Variants in BDNF observed in about 807,000 individuals in gnomAD.
BDNF encodes the protein neurotrophic factor BDNF precursor form.
Under a neutral mutation model 19.5 loss-of-function variants are expected in BDNF, and 1 was observed. The ratio of observed to expected loss-of-function variants is 0.05; its 90% CI spans 0.02 to 0.24. The LOEUF (loss-of-function observed/expected upper bound fraction) is 0.24. BDNF is among the 10% of genes least tolerant of loss of function. The pLI, the probability that BDNF is intolerant of heterozygous loss-of-function variation, is 1.00. For synonymous variants in BDNF, 100 were observed against 121.6 expected (o/e 0.82, Z 1.17); for missense variants, 195 against 317.6 (o/e 0.61, Z 2.93).
intron 1 of BDNF, among the ~76,000 whole-genome samples, chr11:27,666,660 T>G (rs1180066288): frequency 2.0e-5 from 3 of 151,078 alleles, no homozygotes; most frequent in Non-Finnish European, 4.4e-5. Flanking sequence ...TTCAATCAAG[T>G]GGAAGAAAGG....
intron 1 of BDNF, among the ~76,000 whole-genome samples, chr11:27,689,775 T>C (rs1857996499): frequency 1.3e-5 from 2 of 152,222 alleles, no homozygotes; most frequent in Non-Finnish European, 2.9e-5. Flanking sequence ...TAGGTAAATA[T>C]GTGTCATGGT....
chr11:27,700,400 G>C lies in BDNF; in HGVS notation c.-258C>G, dbSNP rs1859769147. ...ACGGGGTGCGCGGGACAGCGAGCGG[G>C]CGGGTGCGCCCGGGCGCGGCGGCGG... On this transcript the variant is annotated 5_prime_UTR_variant, in exon 1 of 2. Transcript: ENST00000356660. 1 of 985,940 alleles carries C rather than the reference G, an allele frequency of 1.0e-6. No individual in the cohort carries two copies. Among genetic ancestry groups the C allele is most frequent in the East Asian group, 1.1e-4 (1 of 8,794 alleles). The allele number at this position is 985,940 out of a possible 1,614,324, so 61.1% of individuals were successfully genotyped here.
At chr11:27,720,526 C>G (rs1318484012) in intron 1 of BDNF, 3 of 985,752 alleles carry the variant, frequency 3.0e-6, no homozygotes, top group Non-Finnish European at 3.6e-6. Context: ...TTTCCAAACG[C>G]TCCGCTCCAA....
chr11:27,717,201 T>G (rs1290046699), intron 1 of BDNF, among the ~76,000 whole-genome samples: 2 of 152,224 alleles, frequency 1.3e-5, no homozygotes, highest in Non-Finnish European at 2.9e-5. Context: ...AAGCCTTCTT[T>G]CCAATGTACA....
intron 1 of BDNF, among the ~76,000 whole-genome samples, chr11:27,706,098 G>A (rs1458131037): frequency 6.6e-6 from 1 of 152,214 alleles, no homozygotes. Flanking sequence ...TGCTCCCAAA[G>A]CTGGAGTGGC....
upstream of BDNF, chr11:27,700,897 C>T (rs1859853808): frequency 1.8e-5 from 24 of 1,310,052 alleles, no homozygotes; most frequent in Non-Finnish European, 2.4e-5. Flanking sequence ...TAGCTTTCAA[C>T]TCTCCCCTTC....
chr11:27,699,649 G>A, intron 1 of BDNF: 1 of 1,432,264 alleles, frequency 7.0e-7, no homozygotes, highest in East Asian at 2.5e-5. Flanking sequence ...CTCAATTCCT[G>A]GGGAGCAGGT....
chr11:27,657,539 T>C lies in BDNF; in HGVS notation c.*282A>G, dbSNP rs1293379263. 9.4e-6 allele frequency: 11 copies of C among 1,168,620 alleles called. No homozygotes were observed. The highest frequency in any genetic ancestry group is 1.2e-5 in the Non-Finnish European group (11 of 944,794). The allele number at this position is 1,168,620 out of a possible 1,614,324, so 72.4% of individuals were successfully genotyped here. On this transcript the variant is annotated 3_prime_UTR_variant, in exon 2 of 2. Coordinates refer to ENST00000356660, the MANE Select transcript of BDNF (RefSeq NM_001709.5). This position sits in a 1 kb window ranked among gnomAD's most constrained non-coding sequence, Gnocchi z 5.0. ...AAGCAGCATGCAATTTATTATTTTT[T>C]TTAACTTTTTATGTTTTCAGTTCTT... is the stretch of plus-strand genomic sequence containing the variant.
chr11:27,674,802 C>T, intron 1 of BDNF: 3 of 954,850 alleles, frequency 3.1e-6, no homozygotes, highest in Non-Finnish European at 3.7e-6. Flanking sequence ...GACAGGGACT[C>T]CATTTTTACA....
chr11:27,710,029 C>T (rs2134103243), intron 1 of BDNF, among the ~76,000 whole-genome samples: 1 of 152,344 alleles, frequency 6.6e-6, no homozygotes, highest in East Asian at 1.9e-4. Flanking sequence ...TTAGTTATCT[C>T]TGACAAAGCT....
intron 1 of BDNF, chr11:27,674,420 C>T: frequency 2.8e-6 from 4 of 1,452,882 alleles, no homozygotes; most frequent in Admixed American, 2.5e-5. Context: ...CTCCTAGCCA[C>T]TGCTCTACCC....
chr11:27,708,427 G>A (rs1002883375), intron 1 of BDNF, among the ~76,000 whole-genome samples: 3 of 152,152 alleles, frequency 2.0e-5, no homozygotes, highest in Non-Finnish European at 4.4e-5. Context: ...TCTACATGAT[G>A]CCAATTTATC....
At chr11:27,682,910 T>G (rs1857024132) in intron 1 of BDNF, among the ~76,000 whole-genome samples, 1 of 152,206 alleles carries the variant, frequency 6.6e-6, no homozygotes. Context: ...TTATAATCCT[T>G]TGAGTATATA....
intron 1 of BDNF, among the ~76,000 whole-genome samples, chr11:27,694,149 C>T (rs1482440451): frequency 6.6e-6 from 1 of 152,124 alleles, no homozygotes; most frequent in Non-Finnish European, 1.5e-5. Context: ...CTGGCATCTC[C>T]ACTGGCATTT....
chr11:27,720,397 T>C (rs1159603275), intron 1 of BDNF: 1 of 985,720 alleles, frequency 1.0e-6, no homozygotes, highest in Non-Finnish European at 1.2e-6. Context: ...GATAAACACT[T>C]GCATTTCCCA....
At chr11:27,718,948 C>A (rs1033097421) in intron 1 of BDNF, among the ~76,000 whole-genome samples, 1 of 152,074 alleles carries the variant, frequency 6.6e-6, no homozygotes, top group South Asian at 2.1e-4. Flanking sequence ...AACCCTGGGG[C>A]GAAAACTGCC....
upstream of BDNF, chr11:27,701,409 A>AG (rs1859888718): frequency 4.9e-5 from 51 of 1,037,936 alleles, no homozygotes; most frequent in South Asian, 1.6e-3. Context: ...GCTTAATTAA[A>AG]GGGGGGAGGG....
intron 1 of BDNF, chr11:27,676,283 A>C (rs1014036957): frequency 6.6e-6 from 1 of 152,220 alleles, no homozygotes; most frequent in Non-Finnish European, 1.5e-5. Flanking sequence ...TCTTCTATAA[A>C]GGGGAAGAGG....
At chr11:27,700,531 C>T (rs1205531202), upstream of BDNF, 3 of 383,638 alleles carry the variant, frequency 7.8e-6, no homozygotes, top group Admixed American at 8.2e-5. Context: ...CCCCCCCCCC[C>T]CCGCCCCCCG....
Sources: gnomAD v4.1 joint callset for allele counts (sites outside exome capture counted in the v4.1 genomes callset) on GRCh38, gnomAD v4.1.1 for gene constraint, Gnocchi (gnomAD v3.1) non-coding constraint, MANE v1.5 for transcripts, NCBI Gene and HGNC (gene_info 2026-07-23, HGNC 2026-07-21) for gene names.